The following ATP8A1 variants were observed in gnomAD, a reference collection of about 807,000 sequenced individuals.
ATP8A1 encodes ATPase phospholipid transporting 8A1.
Under a neutral mutation model 177.7 loss-of-function variants are expected in ATP8A1, and 90 were observed. That is an observed-to-expected ratio of 0.51 (90% CI 0.43 to 0.60). The LOEUF (loss-of-function observed/expected upper bound fraction) is 0.60, where lower values mean the gene tolerates loss of function less well. Among genes scored for constraint, ATP8A1 ranks in the 20% least tolerant of loss-of-function variants. ATP8A1 has a pLI of 0.00. For synonymous variants in ATP8A1, 493 were observed against 485.9 expected (o/e 1.01, Z -0.19); for missense variants, 1,072 against 1,392.8 (o/e 0.77, Z 3.67).
At chr4:42,632,947 C>A (rs750871534) in intron 1 of ATP8A1, among the ~76,000 whole-genome samples, 4 of 152,212 alleles carry the variant, frequency 2.6e-5, no homozygotes, top group Non-Finnish European at 5.9e-5. Flanking sequence ...ATCTGCTGAG[C>A]AGCAGGCAGA....
chr4:42,535,496 C>T, intron 20 of ATP8A1, among the ~76,000 whole-genome samples: 1 of 152,142 alleles, frequency 6.6e-6, no homozygotes, highest in Non-Finnish European at 1.5e-5. Flanking sequence ...AGGGGATAGA[C>T]AGCAGCACAA....
intron 33 of ATP8A1, among the ~76,000 whole-genome samples, chr4:42,425,566 G>T (rs573201238): frequency 6.6e-6 from 1 of 152,140 alleles, no homozygotes; most frequent in South Asian, 2.1e-4. Flanking sequence ...GATGAAGAGG[G>T]GGGGAAAAAT....
intron 25 of ATP8A1, among the ~76,000 whole-genome samples, chr4:42,481,194 G>A (rs1009706114): frequency 1.3e-5 from 2 of 152,160 alleles, no homozygotes; most frequent in African/African-American, 4.8e-5. Flanking sequence ...GCTGATCCCA[G>A]CAGTAGAAAG....
intron 8 of ATP8A1, among the ~76,000 whole-genome samples, 184 bp downstream of exon 8, chr4:42,588,076 C>T (rs1433395090): frequency 6.6e-6 from 1 of 152,128 alleles, no homozygotes; most frequent in Non-Finnish European, 1.5e-5. Flanking sequence ...TTTAACCAGA[C>T]AAATACATCA....
At chr4:42,516,539 G>A (rs796346011) in intron 22 of ATP8A1, among the ~76,000 whole-genome samples, 18 of 152,306 alleles carry the variant, frequency 1.2e-4, no homozygotes, top group African/African-American at 3.8e-4. Context: ...CAAGATAAAT[G>A]ATTTACTTTC....
intron 1 of ATP8A1, among the ~76,000 whole-genome samples, chr4:42,638,081 A>G (rs963252564): frequency 6.6e-6 from 1 of 152,204 alleles, no homozygotes; most frequent in Non-Finnish European, 1.5e-5. Context: ...ACCCTTCAGG[A>G]AAGTCCCTTC....
intron 1 of ATP8A1, among the ~76,000 whole-genome samples, chr4:42,635,810 T>TATATATATATATATACAC (rs1305090729): frequency 3.8e-5 from 4 of 103,904 alleles, no homozygotes; most frequent in African/African-American, 2.1e-4. Flanking sequence ...TATATATATA[T>TATATATATATATATACAC]ACACATGTAT....
chr4:42,482,440 A>G (rs1312343134), intron 25 of ATP8A1, among the ~76,000 whole-genome samples: 1 of 152,160 alleles, frequency 6.6e-6, no homozygotes, highest in African/African-American at 2.4e-5. Context: ...GAGGCACAAC[A>G]TTCAACCTAT....
chr4:42,421,826 C>T (rs1388674556), intron 35 of ATP8A1, among the ~76,000 whole-genome samples: 3 of 152,084 alleles, frequency 2.0e-5, no homozygotes, highest in African/African-American at 7.2e-5. Context: ...AAAATAAATT[C>T]CTCCTCCTAT....
At chr4:42,636,148 A>ACGCGTG (rs767029159) in intron 1 of ATP8A1, among the ~76,000 whole-genome samples, 3 of 31,824 alleles carry the variant, frequency 9.4e-5, no homozygotes, top group African/African-American at 1.4e-4. Context: ...ACACACACAC[A>ACGCGTG]CACACACACG....
At chr4:42,649,735 G>A (rs1292090753) in intron 1 of ATP8A1, among the ~76,000 whole-genome samples, 18 of 152,078 alleles carry the variant, frequency 1.2e-4, no homozygotes, top group Admixed American at 1.2e-3. Context: ...CGCTCCTTTG[G>A]GGTGCTAAGG....
At chr4:42,414,474 A>ATGGATTTTCTGTTATTTACAG (rs1712995589) in intron 36 of ATP8A1, among the ~76,000 whole-genome samples, 153 bp downstream of exon 36, 2 of 152,252 alleles carry the variant, frequency 1.3e-5, no homozygotes, top group Non-Finnish European at 2.9e-5. Flanking sequence ...GTTCTGACCA[A>ATGGATTTTCTGTTATTTACAG]TGGATTTTCT....
chr4:42,551,463 C>A (rs1270260946), intron 17 of ATP8A1, among the ~76,000 whole-genome samples, 183 bp from the exon 18 acceptor site: 1 of 152,154 alleles, frequency 6.6e-6, no homozygotes, highest in Non-Finnish European at 1.5e-5. Flanking sequence ...GGATAATAAT[C>A]TTAAGTGTTG....
intron 24 of ATP8A1, among the ~76,000 whole-genome samples, chr4:42,492,429 C>A (rs1484771529): frequency 1.3e-5 from 2 of 152,098 alleles, no homozygotes; most frequent in Non-Finnish European, 2.9e-5. Flanking sequence ...ATTTTGATGG[C>A]GTTAAGAGGT....
intron 33 of ATP8A1, among the ~76,000 whole-genome samples, chr4:42,425,233 C>T (rs1333466461): frequency 6.6e-6 from 1 of 151,428 alleles, no homozygotes; most frequent in African/African-American, 2.4e-5. Flanking sequence ...TGGGGGGGGG[C>T]AAGAGAAGGA....
At chr4:42,459,376 AT>A (rs1718839442) in intron 27 of ATP8A1, 3 of 174,712 alleles carry the variant, frequency 1.7e-5, no homozygotes. Context: ...ATTGCTGTCA[AT>A]TTAGATTTAA....
At chr4:42,509,427 G>A (rs1724765830) in intron 22 of ATP8A1, among the ~76,000 whole-genome samples, 2 of 152,184 alleles carry the variant, frequency 1.3e-5, no homozygotes, top group Non-Finnish European at 2.9e-5. Flanking sequence ...CCGCTATAGC[G>A]GCCATACAGG....
At chr4:42,445,707 C>G (rs1717137764) in intron 31 of ATP8A1, among the ~76,000 whole-genome samples, 1 of 152,128 alleles carries the variant, frequency 6.6e-6, no homozygotes, top group Non-Finnish European at 1.5e-5. Context: ...AGCAGGATAG[C>G]TAATGGCAAT....
intron 6 of ATP8A1, among the ~76,000 whole-genome samples, chr4:42,592,340 A>G (rs1205528367): frequency 6.6e-6 from 1 of 152,196 alleles, no homozygotes; most frequent in Non-Finnish European, 1.5e-5. Context: ...AGTGGTCTAA[A>G]GTTTAAGAAA....
Sources: gnomAD v4.1 joint callset for allele counts (sites outside exome capture counted in the v4.1 genomes callset) on GRCh38, gnomAD v4.1.1 for gene constraint, MANE v1.5 for transcripts, NCBI Gene and HGNC (gene_info 2026-07-23, HGNC 2026-07-21) for gene names.